FAM161A: variants seen among roughly 807,000 people sequenced by gnomAD.
FAM161A encodes the protein protein FAM161A.
A neutral mutation model predicts 70.9 loss-of-function variants in FAM161A; 57 were observed. The observed-to-expected ratio is 0.80, with a 90% CI of 0.65 to 1.00. The LOEUF (loss-of-function observed/expected upper bound fraction) is 1.00, where lower values mean the gene tolerates loss of function less well. Among genes scored for constraint, FAM161A ranks in the 50% least tolerant of loss-of-function variants. The probability of loss-of-function intolerance (pLI) is 0.00; values close to 1 mark genes in which losing one functional copy is unlikely to be tolerated. For synonymous variants in FAM161A, 299 were observed against 295.7 expected (o/e 1.01, Z -0.12); for missense variants, 880 against 836.0 (o/e 1.05, Z -0.65).
intron 1 of FAM161A, among the ~76,000 whole-genome samples, chr2:61,851,176 G>A (rs1673485228): frequency 6.6e-6 from 1 of 151,936 alleles, no homozygotes; most frequent in Admixed American, 6.6e-5. Flanking sequence ...GCCCGGCCCT[G>A]TTCATTTTTA....
the FAM161A span, among the ~76,000 whole-genome samples, chr2:61,804,353 T>C: frequency 6.6e-6 from 1 of 152,134 alleles, no homozygotes; most frequent in African/African-American, 2.4e-5. Context: ...CGTCTGGGAA[T>C]ACAGCCCAGT....
chr2:61,842,101 A>G, intron 2 of FAM161A, 21 bp downstream of exon 2: 2 of 1,349,390 alleles, frequency 1.5e-6, no homozygotes, highest in Non-Finnish European at 2.1e-6. Flanking sequence ...CTCCACAAAT[A>G]ACATTGAGTT....
At chr2:61,848,886 T>TTATATATATTTA (rs1673342451) in intron 1 of FAM161A, among the ~76,000 whole-genome samples, 1 of 2,018 alleles carries the variant, frequency 5.0e-4, no homozygotes, top group Non-Finnish European at 8.1e-4. Flanking sequence ...ATATATATAT[T>TTATATATATTTA]TATATATATT....
the FAM161A span, among the ~76,000 whole-genome samples, chr2:61,813,643 C>A: frequency 4.1e-5 from 6 of 146,390 alleles, no homozygotes; most frequent in Non-Finnish European, 7.4e-5. Context: ...CACTTGAGAC[C>A]AGGAGGGTGA....
intron 4 of FAM161A, 88 bp downstream of exon 4, chr2:61,838,450 C>T (rs1368014285): frequency 1.6e-5 from 18 of 1,121,884 alleles, no homozygotes; most frequent in South Asian, 1.5e-5. Context: ...ATGCTATTTT[C>T]AATCTGCTCA....
At chr2:61,832,256 A>AC (rs1385341959) in intron 5 of FAM161A, among the ~76,000 whole-genome samples, 6 of 151,526 alleles carry the variant, frequency 4.0e-5, no homozygotes, top group South Asian at 2.1e-4. Context: ...CACACAAAAA[A>AC]AAACCAACAA....
chr2:61,810,453 CTTTTTTTTTTTT>C, the FAM161A span, among the ~76,000 whole-genome samples: 55 of 95,616 alleles, frequency 5.8e-4, no homozygotes, highest in African/African-American at 2.3e-3. Context: ...CCAGCACTTC[CTTTTTTTTTTTT>C]TTTTTTTTTT....
At chr2:61,829,436 A>G (rs1672491406) in intron 5 of FAM161A, among the ~76,000 whole-genome samples, 1 of 152,210 alleles carries the variant, frequency 6.6e-6, no homozygotes, top group African/African-American at 2.4e-5. Flanking sequence ...GAAAACTGAA[A>G]AAGAAACACT....
intron 2 of FAM161A, 45 bp from the exon 3 acceptor site, chr2:61,840,626 C>G (rs754199181): frequency 1.5e-6 from 2 of 1,366,610 alleles, no homozygotes; most frequent in South Asian, 2.4e-5. Flanking sequence ...TTGTATGTGA[C>G]CAAATATAAA....
At position 61,826,162 on chromosome 2, in the gene FAM161A, T is replaced by C. The variant is rs1452891639; in HGVS notation, c.*293A>G. ...AGTAAAATTAATGAAATAATGTATA[T>C]TTTTATAACTAATCAGTTTGTGACA... is the stretch of plus-strand genomic sequence containing the variant. On this transcript the variant is annotated 3_prime_UTR_variant, in exon 7 of 7. Transcript: ENST00000404929. 7.3e-6 allele frequency: 4 copies of C among 544,962 alleles called. No individual in the cohort carries two copies. In the East Asian group the frequency reaches 1.4e-4, roughly 18 times the overall value. 33.8% of individuals were successfully genotyped at this position (544,962 alleles called of 1,614,324 possible). A position where few individuals can be genotyped will look rare whatever the true frequency, so the allele number is the denominator to read the frequency against.
At chr2:61,816,636 T>G in the FAM161A span, among the ~76,000 whole-genome samples, 2 of 151,982 alleles carry the variant, frequency 1.3e-5, no homozygotes, top group Non-Finnish European at 2.9e-5. Flanking sequence ...ATTTTTGTAT[T>G]TTTTGTAGAG....
At chr2:61,802,191 T>C in the FAM161A span, among the ~76,000 whole-genome samples, 2 of 152,156 alleles carry the variant, frequency 1.3e-5, no homozygotes, top group African/African-American at 2.4e-5. Flanking sequence ...GTGTCAATTC[T>C]TCCATTTATT....
chr2:61,849,693 G>A (rs913175603), intron 1 of FAM161A, among the ~76,000 whole-genome samples: 5 of 150,472 alleles, frequency 3.3e-5, no homozygotes, highest in African/African-American at 1.2e-4. Flanking sequence ...GCTGAGGCAG[G>A]AGAATCACTT....
chr2:61,838,892 A>T (rs7603005), intron 3 of FAM161A, among the ~76,000 whole-genome samples, 187 bp from the exon 4 acceptor site: 7,706 of 129,936 alleles, frequency 0.059, 336 homozygotes, highest in African/African-American at 0.11. Flanking sequence ...TTATTTATTT[A>T]TTTTTTTTGA....
rs537848752 is a variant in FAM161A, at chr2:61,849,179, T to C, written c.183+4680A>G. 4.4e-5 allele frequency among the ~76,000 whole-genome samples: 6 copies of C among 137,802 alleles called. No homozygotes were observed. The South Asian group carries it at 1.1e-3, about 25-fold the overall frequency. The allele number at this position is 137,802 out of a possible 152,430, so 90.4% of individuals were successfully genotyped here. On this transcript the variant is annotated intron_variant, in intron 1 of 6. Transcript: ENST00000404929. ...ATTTATATATTTATATAGTATGTACTGTATATTAAAATATATGGAGGAGAT... is the reference window on the plus strand; with the variant it reads ...ATTTATATATTTATATAGTATGTACCGTATATTAAAATATATGGAGGAGAT...
At chr2:61,819,750 G>A in the FAM161A span, among the ~76,000 whole-genome samples, 1 of 152,002 alleles carries the variant, frequency 6.6e-6, no homozygotes, top group Non-Finnish European at 1.5e-5. Flanking sequence ...AACTTTTAGG[G>A]TTAGCAAAAG....
downstream of FAM161A, among the ~76,000 whole-genome samples, chr2:61,821,597 CTT>C (rs1183630534): frequency 6.6e-6 from 1 of 151,606 alleles, no homozygotes; most frequent in Non-Finnish European, 1.5e-5. Context: ...ATCTGAATAT[CTT>C]TTTTTCTTTT....
the FAM161A span, among the ~76,000 whole-genome samples, chr2:61,806,166 C>T: frequency 1.3e-5 from 2 of 151,820 alleles, no homozygotes; most frequent in African/African-American, 2.4e-5. Context: ...TGCAGTGAGC[C>T]GAGACTGCAC....
At chr2:61,820,974 A>G (rs1465973966), downstream of FAM161A, among the ~76,000 whole-genome samples, 2 of 152,092 alleles carry the variant, frequency 1.3e-5, no homozygotes, top group Non-Finnish European at 1.5e-5. Flanking sequence ...TTAGAGGCAG[A>G]CTCTATTAAC....
Sources: allele counts gnomAD v4.1 joint callset (sites outside exome capture counted in the v4.1 genomes callset), GRCh38; gene constraint gnomAD v4.1.1; transcripts MANE v1.5; gene names NCBI Gene and HGNC (gene_info 2026-07-23, HGNC 2026-07-21).